The following EHBP1 variants were observed in gnomAD, a reference collection of about 807,000 sequenced individuals.
EHBP1 encodes EH domain binding protein 1.
A neutral mutation model predicts 144.0 loss-of-function variants in EHBP1; 55 were observed. That is an observed-to-expected ratio of 0.38 (90% CI 0.31 to 0.48). EHBP1 has a LOEUF of 0.48. EHBP1 is among the 20% of genes least tolerant of loss of function. The probability of loss-of-function intolerance (pLI) is 0.98; values close to 1 mark genes in which losing one functional copy is unlikely to be tolerated. For synonymous variants in EHBP1, 469 were observed against 472.7 expected (o/e 0.99, Z 0.10); for missense variants, 1,200 against 1,364.2 (o/e 0.88, Z 1.90).
At chr2:62,975,094 C>A (rs1329086888) in intron 14 of EHBP1, among the ~76,000 whole-genome samples, 1 of 152,174 alleles carries the variant, frequency 6.6e-6, no homozygotes, top group Non-Finnish European at 1.5e-5. Context: ...CATCTAAAGC[C>A]TTCTTCATTC....
intron 7 of EHBP1, among the ~76,000 whole-genome samples, chr2:62,847,605 G>A (rs1296540323): frequency 6.6e-6 from 1 of 152,114 alleles, no homozygotes; most frequent in African/African-American, 2.4e-5. Context: ...AGGCTGAGGT[G>A]GGAAGATAGC....
upstream of EHBP1, among the ~76,000 whole-genome samples, chr2:62,701,191 G>T (rs1395116236): frequency 6.6e-6 from 1 of 151,958 alleles, no homozygotes; most frequent in Admixed American, 6.6e-5. Flanking sequence ...ATAATGTGAG[G>T]CATATATATA....
chr2:62,749,140 C>G (rs943463048), intron 3 of EHBP1, among the ~76,000 whole-genome samples: 1 of 152,146 alleles, frequency 6.6e-6, no homozygotes, highest in African/African-American at 2.4e-5. Context: ...CCCCATCCCC[C>G]CACCCCACAA....
At chr2:62,940,721 A>G (rs1022328377) in intron 10 of EHBP1, among the ~76,000 whole-genome samples, 6 of 151,816 alleles carry the variant, frequency 4.0e-5, no homozygotes, top group African/African-American at 1.5e-4. Context: ...TAGGGCTTGT[A>G]ATTTCATCAA....
At chr2:62,881,353 T>C (rs1190330263) in intron 10 of EHBP1, among the ~76,000 whole-genome samples, 1 of 145,956 alleles carries the variant, frequency 6.9e-6, no homozygotes, top group Admixed American at 7.0e-5. Flanking sequence ...ACACACAATT[T>C]ACTCATGTAA....
At chr2:62,907,303 T>C (rs573373333) in intron 10 of EHBP1, among the ~76,000 whole-genome samples, 44 of 152,194 alleles carry the variant, frequency 2.9e-4, no homozygotes, top group Non-Finnish European at 6.0e-4. Flanking sequence ...GCATTTAGTG[T>C]TGTCATTATT....
At chr2:62,782,168 C>T (rs1417714528) in intron 5 of EHBP1, among the ~76,000 whole-genome samples, 2 of 152,124 alleles carry the variant, frequency 1.3e-5, no homozygotes, top group East Asian at 3.9e-4. Context: ...ATATTAACTA[C>T]TATGGAGGAT....
intron 3 of EHBP1, among the ~76,000 whole-genome samples, chr2:62,760,563 C>G (rs1293992276): frequency 6.6e-6 from 1 of 152,196 alleles, no homozygotes; most frequent in Non-Finnish European, 1.5e-5. Context: ...GAGGACCAAG[C>G]TTTAGGATAC....
chr2:62,867,116 A>T (rs2050105050), intron 9 of EHBP1, among the ~76,000 whole-genome samples: 1 of 152,174 alleles, frequency 6.6e-6, no homozygotes, highest in African/African-American at 2.4e-5. Flanking sequence ...ATATTAGTAT[A>T]TATAAAATAC....
chr2:62,891,823 A>G (rs2052483739), intron 10 of EHBP1, among the ~76,000 whole-genome samples: 1 of 152,118 alleles, frequency 6.6e-6, no homozygotes, highest in South Asian at 2.1e-4. Flanking sequence ...AACTTCCAAT[A>G]ATTAGCATTC....
chr2:62,702,451 A>G (rs1283741280), upstream of EHBP1, among the ~76,000 whole-genome samples: 1 of 152,176 alleles, frequency 6.6e-6, no homozygotes, highest in African/African-American at 2.4e-5. Flanking sequence ...TGGGAGGGTG[A>G]GTAGGAGGTA....
intron 13 of EHBP1, 28 bp from the exon 14 acceptor site, chr2:62,955,489 C>G: frequency 6.4e-7 from 1 of 1,557,342 alleles, no homozygotes; most frequent in Non-Finnish European, 8.7e-7. Context: ...TTTTTTTTGG[C>G]TTCTAATTCT....
chr2:62,680,154 A>G (rs113010492), intron 1 of EHBP1, among the ~76,000 whole-genome samples: 273 of 152,338 alleles, frequency 1.8e-3, no homozygotes, highest in Non-Finnish European at 2.8e-3. Context: ...AGATCACCAT[A>G]TAGGAAAGGA....
At position 62,906,726 on chromosome 2, in the gene EHBP1, T is replaced by C. The variant is rs77393315; in HGVS notation, c.1185+32194T>C. ...AACCAGGATATTGACATCGTTACAG[T>C]CCAGATACAAAACATTTCTTTCACC... On this transcript the variant is annotated intron_variant, in intron 10 of 22. Coordinates refer to ENST00000431489, the MANE Select transcript of EHBP1 (RefSeq NM_001142616.3). Among the ~76,000 whole-genome samples, 1,042 of 152,286 alleles carry C rather than the reference T, an allele frequency of 6.8e-3. 11 individuals are homozygous for C. Among genetic ancestry groups the C allele is most frequent in the Non-Finnish European group, 9.6e-3 (654 of 68,016 alleles).
chr2:62,747,499 A>G, intron 3 of EHBP1, 47 bp downstream of exon 3: 3 of 1,398,802 alleles, frequency 2.1e-6, no homozygotes, highest in Non-Finnish European at 3.0e-6. Context: ...AATACAAATT[A>G]GCAAACTGCT....
intron 16 of EHBP1, among the ~76,000 whole-genome samples, chr2:62,992,102 A>C (rs756384243): frequency 2.0e-5 from 3 of 152,200 alleles, no homozygotes; most frequent in Non-Finnish European, 4.4e-5. Flanking sequence ...AGAAGTCCCT[A>C]GTCATAAAAA....
intron 3 of EHBP1, among the ~76,000 whole-genome samples, chr2:62,749,067 G>T (rs1242588366): frequency 1.3e-5 from 2 of 152,120 alleles, no homozygotes; most frequent in East Asian, 3.8e-4. Flanking sequence ...CATGTGCCAT[G>T]TTGGTGTGCT....
intron 2 of EHBP1, among the ~76,000 whole-genome samples, chr2:62,709,774 C>G (rs1176484551): frequency 2.0e-5 from 3 of 151,908 alleles, no homozygotes; most frequent in Non-Finnish European, 2.9e-5. Context: ...CCCAATACTT[C>G]TTGTATTGTC....
rs1445035888 is a variant in EHBP1, at chr2:62,900,682, G to GTATATATATATATATATATA, written c.1185+26151_1185+26152insATATATATATATATATATAT. Reference sequence around the variant, plus strand: ...TTGTTTTTTGTGGGTGTGTGTGTATGTGTATATATATATATATATATTTTC... The same window carrying GTATATATATATATATATATA: ...TTGTTTTTTGTGGGTGTGTGTGTATGTATATATATATATATATATATGTATATATATATATATATATTTTC... On this transcript the variant is annotated intron_variant, in intron 10 of 22. Coordinates refer to ENST00000431489, the MANE Select transcript of EHBP1 (RefSeq NM_001142616.3). 5.1e-4 allele frequency among the ~76,000 whole-genome samples: 74 copies of GTATATATATATATATATATA among 144,468 alleles called. 2 individuals carry two copies. The highest frequency in any genetic ancestry group is 2.0e-3 in the African/African-American group (72 of 35,656). 94.8% of individuals were successfully genotyped at this position (144,468 alleles called of 152,430 possible).
Sources: gnomAD v4.1 joint callset for allele counts (sites outside exome capture counted in the v4.1 genomes callset) on GRCh38, gnomAD v4.1.1 for gene constraint, MANE v1.5 for transcripts, NCBI Gene and HGNC (gene_info 2026-07-23, HGNC 2026-07-21) for gene names.